MYO3B: variants seen among roughly 807,000 people sequenced by gnomAD.
MYO3B encodes the protein myosin IIIB.
A neutral mutation model predicts 174.6 loss-of-function variants in MYO3B; 156 were observed. That is an observed-to-expected ratio of 0.89 (90% CI 0.78 to 1.02). MYO3B has a LOEUF of 1.02. Ranked by LOEUF, MYO3B falls within the 50% of genes least tolerant of loss-of-function variation. The pLI, the probability that MYO3B is intolerant of heterozygous loss-of-function variation, is 0.00. For missense variants in MYO3B, 1,632 were observed against 1,639.4 expected, an observed-to-expected ratio of 1.00 and a Z score of 0.08; for synonymous variants, 563 against 569.1, an observed-to-expected ratio of 0.99 and a Z score of 0.15.
At chr2:170,470,432 G>A (rs1684916568) in intron 25 of MYO3B, among the ~76,000 whole-genome samples, 2 of 151,934 alleles carry the variant, frequency 1.3e-5, no homozygotes, top group African/African-American at 2.4e-5. Flanking sequence ...CTATGTACCA[G>A]TATGTTATTT....
intron 3 of MYO3B, among the ~76,000 whole-genome samples, chr2:170,212,037 A>G (rs931850350): frequency 2.0e-5 from 3 of 151,702 alleles, no homozygotes; most frequent in Middle Eastern, 3.2e-3. Context: ...TGAGGTCGGG[A>G]GTTCAAGACC....
intron 30 of MYO3B, among the ~76,000 whole-genome samples, chr2:170,536,573 G>T (rs1387380576): frequency 6.6e-6 from 1 of 152,104 alleles, no homozygotes; most frequent in Admixed American, 6.5e-5. Flanking sequence ...ATTGTGTACT[G>T]TTACTGTTTC....
intron 32 of MYO3B, among the ~76,000 whole-genome samples, chr2:170,560,198 T>C (rs1405596989): frequency 6.6e-6 from 1 of 152,218 alleles, no homozygotes; most frequent in Non-Finnish European, 1.5e-5. Flanking sequence ...TCTAAAAAAC[T>C]ACACTTGTTT....
chr2:170,322,905 G>A (rs1286588420), intron 7 of MYO3B, among the ~76,000 whole-genome samples: 1 of 152,168 alleles, frequency 6.6e-6, no homozygotes, highest in African/African-American at 2.4e-5. Context: ...CCCCATTAGA[G>A]ACAATGTGGT....
intron 6 of MYO3B, among the ~76,000 whole-genome samples, chr2:170,218,576 C>T (rs78486227): frequency 6.6e-6 from 1 of 152,190 alleles, no homozygotes; most frequent in Non-Finnish European, 1.5e-5. Context: ...GTCTGGCACA[C>T]CTACAACCAC....
chr2:170,304,462 C>CTTTTTTTTTTTTTTTTTTTTTTTT (rs2093686771), intron 7 of MYO3B, among the ~76,000 whole-genome samples: 1 of 143,126 alleles, frequency 7.0e-6, no homozygotes. Flanking sequence ...TTTCTTTTTT[C>CTTTTTTTTTTTTTTTTTTTTTTTT]TTTTTCTTTT....
chr2:170,214,384 T>TA lies in MYO3B; in HGVS notation c.329dup (p.Asn110LysfsTer7). 2 of 1,614,056 alleles carry TA rather than the reference T, an allele frequency of 1.2e-6. No individual in the cohort carries two copies. Among genetic ancestry groups the TA allele is most frequent in the Non-Finnish European group, 1.7e-6 (2 of 1,179,910 alleles). ...TCTGGCACCTCTTCTTGCAGCTGTG[T>TA]AATGGGGGCTCAGTCACTGAGCTTG... On this transcript the variant is annotated frameshift_variant, in exon 4 of 35. Transcript: ENST00000408978. LOFTEE classifies it high-confidence loss of function.
intron 32 of MYO3B, among the ~76,000 whole-genome samples, chr2:170,638,184 CCTCT>C (rs747417290): frequency 1.5e-3 from 223 of 151,852 alleles, no homozygotes; most frequent in Non-Finnish European, 2.2e-3. Context: ...TAATGACTGC[CCTCT>C]CTATGTGTAA....
At chr2:170,233,739 G>C (rs2093037643) in intron 6 of MYO3B, among the ~76,000 whole-genome samples, 1 of 152,220 alleles carries the variant, frequency 6.6e-6, no homozygotes. Flanking sequence ...GAGAACAAGA[G>C]CACAGAGTTT....
In MYO3B at chr2:170,653,041, T is replaced by C; in HGVS notation, c.3946T>C (p.Cys1316Arg). The C allele has an allele frequency of 6.2e-7, 1 of 1,614,214 alleles. No homozygotes were observed. Among genetic ancestry groups the C allele is most frequent in the Non-Finnish European group, 8.5e-7 (1 of 1,180,018 alleles). The change falls in exon 35 of 35, where the codon TGT becomes CGT. Residue 1316 changes from cysteine to arginine, a missense_variant. By Grantham distance (180) the Cys-to-Arg change is radical. Transcript: ENST00000408978. ...EYYKSLSPVD[C>R]IPEENNSAHP... ...TTACAAATCTCTGTCACCAGTGGACTGTATCCCTGAGGAGAACAACTCAGC... is the reference window on the plus strand; with the variant it reads ...TTACAAATCTCTGTCACCAGTGGACCGTATCCCTGAGGAGAACAACTCAGC...
intron 22 of MYO3B, 151 bp from the exon 23 acceptor site, chr2:170,443,816 A>T (rs537000285): frequency 3.1e-6 from 1 of 320,244 alleles, no homozygotes; most frequent in Non-Finnish European, 5.7e-6. Context: ...AATTTATATC[A>T]TCAAAGTGTC....
intron 22 of MYO3B, chr2:170,408,397 A>G (rs1328902237): frequency 2.0e-5 from 3 of 152,390 alleles, no homozygotes; most frequent in South Asian, 2.1e-4. Context: ...CTTCTGTTTA[A>G]TTGCTGTCAG....
Position 170,372,967 on chromosome 2 carries a change from A to T in MYO3B, c.971+3590A>T, listed in dbSNP as rs796517617. Reference sequence around the variant, plus strand: ...GGCATGGGGTAGGTGGGAGGGAGAGACAAGGTAGACAGGAGCCACGTCACC... The same window carrying T: ...GGCATGGGGTAGGTGGGAGGGAGAGTCAAGGTAGACAGGAGCCACGTCACC... On this transcript the variant is annotated intron_variant, in intron 9 of 34. Transcript: ENST00000408978. 2.8e-4 allele frequency among the ~76,000 whole-genome samples: 42 copies of T among 152,214 alleles called. 2 individuals carry two copies. Among genetic ancestry groups the T allele is most frequent in the African/African-American group, 9.9e-4 (41 of 41,538 alleles).
chr2:170,408,963 A>C (rs1291565423), intron 22 of MYO3B, among the ~76,000 whole-genome samples: 4 of 152,136 alleles, frequency 2.6e-5, no homozygotes, highest in African/African-American at 9.7e-5. Context: ...AGCTCGGGGC[A>C]GGTGTGGAAA....
At chr2:170,604,715 A>T in intron 32 of MYO3B, among the ~76,000 whole-genome samples, 1 of 151,702 alleles carries the variant, frequency 6.6e-6, no homozygotes, top group East Asian at 1.9e-4. Context: ...AATTAAAGCA[A>T]CCCAAACAAT....
rs144330940 is a variant in MYO3B, at chr2:170,538,472, A to C, written c.3576-4434A>C. On this transcript the variant is annotated intron_variant, in intron 30 of 34. Coordinates refer to ENST00000408978, the MANE Select transcript of MYO3B (RefSeq NM_138995.5). ...GACCATGGTGACTTCACCTAGTGCCACCGGCGCAGCGTGACAGAGCCAGCT... is the reference window on the plus strand; with the variant it reads ...GACCATGGTGACTTCACCTAGTGCCCCCGGCGCAGCGTGACAGAGCCAGCT... 1.4e-3 allele frequency among the ~76,000 whole-genome samples: 216 copies of C among 152,342 alleles called. 1 individual carries two copies. The highest frequency in any genetic ancestry group is 0.013 in the South Asian group (65 of 4,826).
intron 14 of MYO3B, 70 bp downstream of exon 14, chr2:170,387,378 G>C: frequency 7.1e-7 from 1 of 1,414,326 alleles, no homozygotes. Flanking sequence ...AAATTTTAAT[G>C]GTTCAGTTTT....
chr2:170,371,427 TAA>T (rs35925759), intron 9 of MYO3B, among the ~76,000 whole-genome samples: 2 of 150,348 alleles, frequency 1.3e-5, no homozygotes, highest in Admixed American at 6.6e-5. Context: ...GAACTATCAT[TAA>T]AAAAAAATAC....
At chr2:170,486,534 C>T (rs1316007338) in intron 25 of MYO3B, among the ~76,000 whole-genome samples, 1 of 152,170 alleles carries the variant, frequency 6.6e-6, no homozygotes, top group Non-Finnish European at 1.5e-5. Flanking sequence ...CTCCTGACCT[C>T]AGGTGATCCG....
Sources: gnomAD v4.1 joint callset for allele counts (sites outside exome capture counted in the v4.1 genomes callset) on GRCh38, gnomAD v4.1.1 for gene constraint, MANE v1.5 for transcripts, NCBI Gene and HGNC (gene_info 2026-07-23, HGNC 2026-07-21) for gene names.